The following CNBD1 variants were observed in gnomAD, a reference collection of about 807,000 sequenced individuals.
The protein encoded by CNBD1 is cyclic nucleotide-binding domain-containing protein 1.
In CNBD1, 71 loss-of-function variants were observed where a neutral mutation model predicts 54.4. The observed-to-expected ratio is 1.30, with a 90% CI of 1.08 to 1.59. The LOEUF is 1.59. Ranked by LOEUF, CNBD1 falls within the 40% of genes most tolerant of loss-of-function variation. The probability of loss-of-function intolerance (pLI) is 0.00; values close to 1 mark genes in which losing one functional copy is unlikely to be tolerated. For synonymous variants in CNBD1, 182 were observed against 170.7 expected (o/e 1.07, Z -0.51); for missense variants, 659 against 518.0 (o/e 1.27, Z -2.64).
At chr8:87,395,267 G>C (rs900459095) in intron 2 of CNBD1, among the ~76,000 whole-genome samples, 1 of 151,822 alleles carries the variant, frequency 6.6e-6, no homozygotes, top group Non-Finnish European at 1.5e-5. Flanking sequence ...AGGATACATA[G>C]CTTCCTGTAT....
At chr8:87,029,687 A>G (rs1314987053) in intron 4 of CNBD1, among the ~76,000 whole-genome samples, 1 of 152,162 alleles carries the variant, frequency 6.6e-6, no homozygotes, top group Non-Finnish European at 1.5e-5. Flanking sequence ...GCCTCACACT[A>G]TTTTGTTAAA....
chr8:87,154,079 C>A, intron 4 of CNBD1, among the ~76,000 whole-genome samples: 1 of 151,980 alleles, frequency 6.6e-6, no homozygotes, highest in South Asian at 2.1e-4. Context: ...CAACTGACAC[C>A]CAAATAAGTC....
intron 2 of CNBD1, among the ~76,000 whole-genome samples, chr8:87,404,196 G>A (rs1807615570): frequency 6.6e-6 from 1 of 152,018 alleles, no homozygotes; most frequent in South Asian, 2.1e-4. Flanking sequence ...GTGGGCAGTG[G>A]CAGGGGTAGG....
chr8:87,285,716 CAA>C (rs1160757965), intron 7 of CNBD1, among the ~76,000 whole-genome samples: 2 of 152,152 alleles, frequency 1.3e-5, no homozygotes, highest in East Asian at 3.9e-4. Context: ...ACTGAAAATA[CAA>C]AATTAGCCGG....
chr8:86,922,115 A>G (rs1381057171), intron 3 of CNBD1, among the ~76,000 whole-genome samples: 1 of 152,212 alleles, frequency 6.6e-6, no homozygotes, highest in Non-Finnish European at 1.5e-5. Context: ...ATCTGAGGCA[A>G]AAAGAACCAT....
intron 5 of CNBD1, among the ~76,000 whole-genome samples, chr8:87,230,538 A>G (rs1377954785): frequency 6.6e-6 from 1 of 151,408 alleles, no homozygotes; most frequent in Non-Finnish European, 1.5e-5. Context: ...ACATTTGAAA[A>G]CTTCCAGAAA....
intron 8 of CNBD1, among the ~76,000 whole-genome samples, chr8:87,330,683 A>G (rs12114098): frequency 6.6e-5 from 10 of 152,040 alleles, no homozygotes; most frequent in Admixed American, 1.3e-4. Context: ...CACATTTTTA[A>G]GGTTGGTTTT....
At chr8:87,082,401 C>T (rs1400034476) in intron 4 of CNBD1, among the ~76,000 whole-genome samples, 11 of 152,172 alleles carry the variant, frequency 7.2e-5, no homozygotes, top group Admixed American at 7.2e-4. Flanking sequence ...CCTTGTTGCT[C>T]ACACAAAGCC....
chr8:87,387,468 A>G (rs914402613), downstream of CNBD1, among the ~76,000 whole-genome samples: 1 of 152,214 alleles, frequency 6.6e-6, no homozygotes, highest in African/African-American at 2.4e-5. Flanking sequence ...AGTCTCTGAT[A>G]AAACAGACTT....
At chr8:87,207,920 G>A (rs1814012010) in intron 5 of CNBD1, among the ~76,000 whole-genome samples, 1 of 152,126 alleles carries the variant, frequency 6.6e-6, no homozygotes, top group South Asian at 2.1e-4. Context: ...AGTTCCGACA[G>A]CTCAGATCTG....
At chr8:87,128,964 G>A (rs1353925255) in intron 4 of CNBD1, among the ~76,000 whole-genome samples, 1 of 146,376 alleles carries the variant, frequency 6.8e-6, no homozygotes, top group African/African-American at 2.5e-5. Flanking sequence ...GCATGCACCT[G>A]TAGTCCCAGC....
chr8:87,351,487 A>G (rs926875670), intron 8 of CNBD1, among the ~76,000 whole-genome samples, 198 bp from the exon 9 acceptor site: 3 of 152,134 alleles, frequency 2.0e-5, no homozygotes, highest in African/African-American at 7.2e-5. Context: ...GCAATATTAC[A>G]TGTATTATGT....
chr8:87,344,613 C>T (rs1357342268), intron 8 of CNBD1, among the ~76,000 whole-genome samples: 1 of 151,988 alleles, frequency 6.6e-6, no homozygotes, highest in Non-Finnish European at 1.5e-5. Flanking sequence ...TTACCTGCCC[C>T]TGTGTAGACT....
intron 4 of CNBD1, among the ~76,000 whole-genome samples, chr8:87,191,077 A>G (rs1342845272): frequency 3.3e-5 from 5 of 151,902 alleles, no homozygotes; most frequent in Non-Finnish European, 7.4e-5. Flanking sequence ...ACCATGTGCC[A>G]TCTGTAAGCT....
intron 1 of CNBD1, among the ~76,000 whole-genome samples, chr8:86,867,502 A>G (rs1808382102): frequency 6.6e-6 from 1 of 152,242 alleles, no homozygotes; most frequent in African/African-American, 2.4e-5. Context: ...TAAAAGGTAT[A>G]ACAGGTGGCA....
chr8:87,139,554 G>T (rs111605037), intron 4 of CNBD1, among the ~76,000 whole-genome samples: 2,228 of 152,322 alleles, frequency 0.015, 45 homozygotes, highest in African/African-American at 0.05. Context: ...TATGGGCAGA[G>T]AGAACTTGGG....
chr8:87,364,099 AT>A (rs1563570509), intron 10 of CNBD1, among the ~76,000 whole-genome samples: 1 of 151,684 alleles, frequency 6.6e-6, no homozygotes, highest in African/African-American at 2.4e-5. Flanking sequence ...TTATAGAGGT[AT>A]TATACTGTTT....
intron 2 of CNBD1, among the ~76,000 whole-genome samples, chr8:87,410,079 A>G (rs1807716067): frequency 5.9e-5 from 9 of 152,104 alleles, no homozygotes; most frequent in Admixed American, 5.9e-4. Flanking sequence ...AATGGAACAT[A>G]AAAGCCTGGA....
intron 2 of CNBD1, among the ~76,000 whole-genome samples, chr8:87,402,142 G>T (rs959736598): frequency 6.6e-6 from 1 of 151,940 alleles, no homozygotes; most frequent in Non-Finnish European, 1.5e-5. Flanking sequence ...CAAGTGTAGG[G>T]GAACAGCCTT....
Sources: allele counts gnomAD v4.1 joint callset (sites outside exome capture counted in the v4.1 genomes callset), GRCh38; gene constraint gnomAD v4.1.1; transcripts MANE v1.5; gene names NCBI Gene and HGNC (gene_info 2026-07-23, HGNC 2026-07-21).